Variants in TOGARAM1 observed in about 807,000 individuals in gnomAD.
The protein encoded by TOGARAM1 is TOG array regulator of axonemal microtubules 1.
Under a neutral mutation model 166.6 loss-of-function variants are expected in TOGARAM1, and 100 were observed. The ratio of observed to expected loss-of-function variants is 0.60; its 90% CI spans 0.51 to 0.71. The LOEUF (loss-of-function observed/expected upper bound fraction) is 0.71, where lower values mean the gene tolerates loss of function less well. Ranked by LOEUF, TOGARAM1 falls within the 30% of genes least tolerant of loss-of-function variation. The pLI, the probability that TOGARAM1 is intolerant of heterozygous loss-of-function variation, is 0.00. For missense variants in TOGARAM1, 2,029 were observed against 2,102.7 expected (o/e 0.96, Z 0.69); for synonymous variants, 758 against 763.8 (o/e 0.99, Z 0.13).
intron 10 of TOGARAM1, among the ~76,000 whole-genome samples, chr14:45,028,824 A>G (rs1269391928): frequency 6.6e-6 from 1 of 152,190 alleles, no homozygotes; most frequent in African/African-American, 2.4e-5. Context: ...GAAATGAAAA[A>G]TCATGTGAAC....
chr14:45,004,003 CT>C, intron 3 of TOGARAM1, 57 bp from the exon 4 acceptor site: 13 of 1,410,144 alleles, frequency 9.2e-6, no homozygotes, highest in Non-Finnish European at 1.1e-5. Flanking sequence ...AGCAAAAAAG[CT>C]TTTAACTGTT....
intron 7 of TOGARAM1, among the ~76,000 whole-genome samples, chr14:45,022,085 G>A (rs929259849): frequency 1.3e-5 from 2 of 151,890 alleles, no homozygotes; most frequent in Admixed American, 1.3e-4. Context: ...CCTTCCCCGA[G>A]GATTGTGGCC....
chr14:45,030,242 T>C (rs1034793313), intron 10 of TOGARAM1, among the ~76,000 whole-genome samples: 2 of 152,244 alleles, frequency 1.3e-5, no homozygotes, highest in African/African-American at 2.4e-5. Context: ...AGATAGGTGA[T>C]AGTACTTTGT....
intron 11 of TOGARAM1, 102 bp downstream of exon 11, chr14:45,032,478 A>C: frequency 8.5e-7 from 1 of 1,176,162 alleles, no homozygotes; most frequent in Non-Finnish European, 1.2e-6. Flanking sequence ...AAATAATCTT[A>C]GAAATGATTA....
intron 1 of TOGARAM1, among the ~76,000 whole-genome samples, chr14:44,990,180 T>G (rs2138789425): frequency 6.6e-6 from 1 of 152,334 alleles, no homozygotes; most frequent in East Asian, 1.9e-4. Context: ...GGAAAGCAGA[T>G]TCTAGATTCC....
chr14:44,997,982 T>A (rs1438964087), intron 2 of TOGARAM1, among the ~76,000 whole-genome samples: 1 of 152,226 alleles, frequency 6.6e-6, no homozygotes. Context: ...TGTTATAGAT[T>A]TAAAAATGTA....
At chr14:44,976,627 T>C (rs1886205430) in intron 1 of TOGARAM1, among the ~76,000 whole-genome samples, 1 of 143,298 alleles carries the variant, frequency 7.0e-6, no homozygotes, top group South Asian at 2.2e-4. Flanking sequence ...TTAATCAACC[T>C]TTACCTTTAA....
chr14:45,029,527 C>G (rs1881041299), intron 10 of TOGARAM1, among the ~76,000 whole-genome samples: 1 of 152,106 alleles, frequency 6.6e-6, no homozygotes, highest in African/African-American at 2.4e-5. Context: ...TTGATCAGCT[C>G]AAAGTGTAGT....
intron 3 of TOGARAM1, among the ~76,000 whole-genome samples, chr14:45,002,880 G>T (rs1045367531): frequency 6.6e-6 from 1 of 152,182 alleles, no homozygotes; most frequent in Non-Finnish European, 1.5e-5. Flanking sequence ...TCGGGAGGCT[G>T]AAGCAGGAGA....
chr14:45,045,585 G>GTA, intron 13 of TOGARAM1, among the ~76,000 whole-genome samples: 1 of 24,134 alleles, frequency 4.1e-5, no homozygotes, highest in Admixed American at 6.3e-4. Context: ...ATATATATAT[G>GTA]TGTGTGTGTG....
intron 3 of TOGARAM1, among the ~76,000 whole-genome samples, chr14:45,000,309 T>C (rs757045590): frequency 9.2e-5 from 14 of 152,176 alleles, no homozygotes; most frequent in Admixed American, 3.3e-4. Context: ...TCTTATTTTA[T>C]TTTTGTACGC....
At chr14:44,969,453 A>G (rs1885763821) in intron 1 of TOGARAM1, among the ~76,000 whole-genome samples, 1 of 152,112 alleles carries the variant, frequency 6.6e-6, no homozygotes, top group African/African-American at 2.4e-5. Context: ...CGCCTGGCCT[A>G]TCAGATGTAT....
intron 7 of TOGARAM1, chr14:45,022,769 T>A (rs1470445991): frequency 1.3e-5 from 2 of 152,096 alleles, no homozygotes; most frequent in African/African-American, 4.8e-5. Context: ...GCAGCTCTTT[T>A]TGCTTCAATA....
chr14:45,007,167 T>A lies in TOGARAM1; in HGVS notation c.2904+900T>A, dbSNP rs1246055556. 3 of 152,148 alleles carry A rather than the reference T, an allele frequency of 2.0e-5. No individual in the cohort carries two copies. In the East Asian group the frequency reaches 5.8e-4, roughly 29 times the overall value. The allele number at this position is 152,148 out of a possible 1,614,324, so 9.4% of individuals were successfully genotyped here. A position where few individuals can be genotyped will look rare whatever the true frequency, so the allele number is the denominator to read the frequency against. ...TAAGGTATAAGCATCAATCATGTAA[T>A]GATAATTTGCTCAATAAAATAGAGT... On this transcript the variant is annotated intron_variant, in intron 5 of 19. Coordinates refer to ENST00000361462, the MANE Select transcript of TOGARAM1 (RefSeq NM_001308120.2).
chr14:44,975,762 C>T (rs1594611420), intron 1 of TOGARAM1, among the ~76,000 whole-genome samples: 2 of 150,196 alleles, frequency 1.3e-5, no homozygotes, highest in South Asian at 2.1e-4. Flanking sequence ...CCATCATGCC[C>T]GGCTTCCCCT....
At chr14:45,051,905 A>G (rs1021159504) in intron 14 of TOGARAM1, among the ~76,000 whole-genome samples, 2 of 152,202 alleles carry the variant, frequency 1.3e-5, no homozygotes, top group Non-Finnish European at 2.9e-5. Context: ...CAATAAACCC[A>G]TCATGAATAG....
At chr14:45,072,448 A>C (rs915873662) in intron 19 of TOGARAM1, among the ~76,000 whole-genome samples, 2 of 150,858 alleles carry the variant, frequency 1.3e-5, no homozygotes, top group Non-Finnish European at 2.9e-5. Flanking sequence ...AATGTTTGAG[A>C]CAGAGTCTCG....
chr14:45,066,818 G>T, intron 17 of TOGARAM1, 51 bp downstream of exon 17: 1 of 1,481,246 alleles, frequency 6.8e-7, no homozygotes, highest in South Asian at 1.3e-5. Context: ...GCTCACGCCT[G>T]TAATCCAAGC....
chr14:45,000,494 G>A (rs1887646729), intron 3 of TOGARAM1, among the ~76,000 whole-genome samples: 1 of 152,024 alleles, frequency 6.6e-6, no homozygotes. Flanking sequence ...TTAAGATAAT[G>A]TCCTCCATTT....
Sources: gnomAD v4.1 joint callset for allele counts (sites outside exome capture counted in the v4.1 genomes callset) on GRCh38, gnomAD v4.1.1 for gene constraint, MANE v1.5 for transcripts, NCBI Gene and HGNC (gene_info 2026-07-23, HGNC 2026-07-21) for gene names.